The following SETD1A variants were observed in gnomAD, a reference collection of about 807,000 sequenced individuals.
SETD1A encodes the protein SET domain containing 1A, histone lysine methyltransferase, also known as histone-lysine N-methyltransferase SETD1A.
A neutral mutation model predicts 149.9 loss-of-function variants in SETD1A; 29 were observed. The ratio of observed to expected loss-of-function variants is 0.19; its 90% CI spans 0.14 to 0.26. The LOEUF is 0.26. Ranked by LOEUF, SETD1A falls within the 10% of genes least tolerant of loss-of-function variation. The pLI, the probability that SETD1A is intolerant of heterozygous loss-of-function variation, is 1.00. For synonymous variants in SETD1A, 1,141 were observed against 968.5 expected (o/e 1.18, Z -3.31); for missense variants, 2,109 against 2,353.1 (o/e 0.90, Z 2.15).
intron 13 of SETD1A, among the ~76,000 whole-genome samples, chr16:30,972,242 C>G (rs2056234302): frequency 6.6e-6 from 1 of 152,180 alleles, no homozygotes; most frequent in African/African-American, 2.4e-5. Flanking sequence ...TCATCGCAGC[C>G]AAACAGTAGG....
chr16:30,976,291 G>A (rs908697451), intron 13 of SETD1A, among the ~76,000 whole-genome samples: 1 of 152,114 alleles, frequency 6.6e-6, no homozygotes, highest in Non-Finnish European at 1.5e-5. Flanking sequence ...AGGCTGAGTC[G>A]GGAGGATTGC....
intron 10 of SETD1A, among the ~76,000 whole-genome samples, chr16:30,967,824 A>G (rs1237074059): frequency 2.0e-5 from 3 of 152,174 alleles, no homozygotes; most frequent in East Asian, 3.9e-4. Context: ...GGGTTTTTCC[A>G]TCCATGAAAT....
In SETD1A at chr16:30,967,673, C is replaced by T. The variant is rs956391908; in HGVS notation, c.2770+85C>T. On this transcript the variant is annotated intron_variant, in intron 10 of 18. Transcript: ENST00000262519. Reference sequence around the variant, plus strand: ...AGAGGTAGGGATGAAGGGGTCAGGTCGTCCTGAGGGCACAGCCAGGTGGAG... The same window carrying T: ...AGAGGTAGGGATGAAGGGGTCAGGTTGTCCTGAGGGCACAGCCAGGTGGAG... The T allele has an allele frequency of 1.0e-5, 12 of 1,165,778 alleles. No individual in the cohort carries two copies. The African/African-American group carries it at 1.1e-4, about 10-fold the overall frequency. 72.2% of individuals were successfully genotyped at this position (1,165,778 alleles called of 1,614,324 possible). A position where few individuals can be genotyped will look rare whatever the true frequency, so the allele number is the denominator to read the frequency against.
chr16:30,981,058 C>G lies in SETD1A; in HGVS notation c.4693-3C>G, dbSNP rs767998826. ...GCAGTTGAGTCTCCCTTCTGCCCCCCAGTTCCGGAAGAAGAAGCTCCGATT... is the reference window on the plus strand; with the variant it reads ...GCAGTTGAGTCTCCCTTCTGCCCCCGAGTTCCGGAAGAAGAAGCTCCGATT... On this transcript the variant is annotated splice_region_variant and splice_polypyrimidine_tract_variant and intron_variant, in intron 16 of 18. Transcript: ENST00000262519. 6.2e-7 allele frequency: 1 copy of G among 1,614,096 alleles called. No individual in the cohort carries two copies. The highest frequency in any genetic ancestry group is 1.7e-5 in the Admixed American group (1 of 60,022).
intron 17 of SETD1A, among the ~76,000 whole-genome samples, 188 bp downstream of exon 17, chr16:30,981,368 C>T (rs552838219): frequency 1.3e-5 from 2 of 152,232 alleles, no homozygotes; most frequent in Admixed American, 1.3e-4. Context: ...TGGCTGATGG[C>T]ACTGCTCCCT....
intron 4 of SETD1A, 140 bp from the exon 5 acceptor site, chr16:30,963,293 T>A: frequency 1.5e-6 from 1 of 683,052 alleles, no homozygotes; most frequent in South Asian, 2.1e-5. Flanking sequence ...AAAGGTAGAG[T>A]TATGGTAGGA....
chr16:30,978,588 T>A (rs2056317314), intron 13 of SETD1A, among the ~76,000 whole-genome samples: 1 of 152,212 alleles, frequency 6.6e-6, no homozygotes, highest in African/African-American at 2.4e-5. Flanking sequence ...CATGTTCAAA[T>A]TCTGTAGGGG....
Position 30,964,624 on chromosome 16 carries a change from C to G in SETD1A, c.882C>G (p.Thr294=). Residue 294 remains threonine, a synonymous_variant, in exon 7 of 19, where the codon ACC becomes ACG. Transcript: ENST00000262519. ...DSAYSSSTTS[T]SFKPRRSENS... is the part of the protein sequence containing the mutation. ...GCTTCTTCTCCAGCACCACTTCAAC[C>G]TCCTTCAAGCCCCGGCGGTCAGAGA... 6.2e-7 allele frequency: 1 copy of G among 1,612,784 alleles called. No individual in the cohort carries two copies. The highest frequency in any genetic ancestry group is 1.3e-5 in the African/African-American group (1 of 75,024).
chr16:30,965,699 ACCTCCC>A lies in SETD1A; in HGVS notation c.1827_1832del (p.Pro615_Pro616del). 1 of 364,924 alleles carries A rather than the reference ACCTCCC, an allele frequency of 2.7e-6. No homozygotes were observed. The highest frequency in any genetic ancestry group is 4.1e-6 in the Non-Finnish European group (1 of 242,208). The allele number at this position is 364,924 out of a possible 1,614,324, so 22.6% of individuals were successfully genotyped here. On this transcript the variant is annotated inframe_deletion, in exon 8 of 19. Transcript: ENST00000262519. ...CGACGCCCCCTCAGCAGCCTCCGCC[ACCTCCC>A]CCTCCCCCGCCGCCTCCTCCTCCCT...
chr16:30,964,580 G>A lies in SETD1A; in HGVS notation c.870-32G>A, dbSNP rs752613218. 7.5e-6 allele frequency: 12 copies of A among 1,596,978 alleles called. No homozygotes were observed. In the Admixed American group the frequency reaches 2.0e-4, roughly 27 times the overall value. On this transcript the variant is annotated intron_variant, in intron 6 of 18. Coordinates refer to ENST00000262519, the MANE Select transcript of SETD1A (RefSeq NM_014712.3). ...CGCTGTGGTTTGGTCATAGAGAGCT[G>A]AGTCCAGCTAACTCCCCTGCTTCTT...
Position 30,969,686 on chromosome 16 carries a change from G to C in SETD1A, c.3013G>C (p.Asp1005His). Residue 1005 changes from aspartate (D) to histidine (H), a missense_variant, in exon 12 of 19, where the codon GAT becomes CAT. By Grantham distance (81) the Asp-to-His change is moderately conservative. Transcript: ENST00000262519. ...CACAAAGAAGGAGACAGAGGTGTCG[G>C]ATGGTGAGCACAAGACAGTGAAATC... The part of the protein sequence containing the change: ...DTTKKETEVS[D>H]GEDEESDSSS... 6.2e-7 allele frequency: 1 copy of C among 1,613,366 alleles called. No homozygotes were observed. Among genetic ancestry groups the C allele is most frequent in the South Asian group, 1.1e-5 (1 of 91,080 alleles).
Position 30,984,030 on chromosome 16 carries a change from G to A in SETD1A, c.*7G>A, listed in dbSNP as rs1326500427. On this transcript the variant is annotated 3_prime_UTR_variant, in exon 19 of 19. Coordinates refer to ENST00000262519, the MANE Select transcript of SETD1A (RefSeq NM_014712.3). ...CCGGGGCTCCCTAAACTGAGGTGGG[G>A]CAGGATGGGTGCCCACACCCCTATT... is the stretch of plus-strand genomic sequence containing the variant. 1 of 1,610,086 alleles carries A rather than the reference G, an allele frequency of 6.2e-7. No individual in the cohort carries two copies. The highest frequency in any genetic ancestry group is 1.1e-5 in the South Asian group (1 of 90,494).
At chr16:30,958,169 G>A (rs1477881191) in intron 1 of SETD1A, 1 of 150,712 alleles carries the variant, frequency 6.6e-6, no homozygotes, top group Non-Finnish European at 1.5e-5. Flanking sequence ...CCTGCTGGGG[G>A]GGGTGCAGAA....
In SETD1A at chr16:30,979,971, C is replaced by T; in HGVS notation, c.4185C>T (p.Arg1395=). 1.3e-6 allele frequency: 2 copies of T among 1,518,956 alleles called. No homozygotes were observed. The highest frequency in any genetic ancestry group is 1.2e-5 in the South Asian group (1 of 81,746). The allele number at this position is 1,518,956 out of a possible 1,614,324, so 94.1% of individuals were successfully genotyped here. The part of the protein sequence containing the change: ...GEGALRRRSL[R]SHARRRRPPP... ...GCGCCCTCCGGAGGCGCAGCCTCCG[C>T]TCCCACGCCCGGCGCCGCCGCCCTC... The change falls in exon 14 of 19, where the codon CGC becomes CGT. Residue 1395 remains arginine (R), a synonymous_variant. Coordinates refer to ENST00000262519, the MANE Select transcript of SETD1A (RefSeq NM_014712.3).
chr16:30,977,738 C>T (rs1373664746), intron 13 of SETD1A, among the ~76,000 whole-genome samples: 4 of 152,184 alleles, frequency 2.6e-5, no homozygotes, highest in African/African-American at 9.6e-5. Flanking sequence ...TAAGGTGCAG[C>T]CAAGAGCCTG....
At chr16:30,966,538 G>A in intron 8 of SETD1A, 152 bp downstream of exon 8, 1 of 1,234,926 alleles carries the variant, frequency 8.1e-7, no homozygotes, top group Non-Finnish European at 1.1e-6. Context: ...GTGGGCAGGG[G>A]AGTTGAGGGG....
At position 30,966,161 on chromosome 16, in the gene SETD1A, C is replaced by T. The variant is rs1281349234; in HGVS notation, c.2280C>T (p.Pro760=). The T allele has an allele frequency of 1.2e-6, 2 of 1,609,084 alleles. No individual in the cohort carries two copies. The highest frequency in any genetic ancestry group is 3.3e-5 in the Admixed American group (2 of 59,724). ...TGCCAATGGCAGCCGAGCCCCTGCC[C>T]TCCTCCTCAGTCTCGGGAGAGGAGG... ...LPMPMAAEPL[P]SSSVSGEEAR... Residue 760 remains proline, a synonymous_variant, in exon 8 of 19, where the codon CCC becomes CCT. Coordinates refer to ENST00000262519, the MANE Select transcript of SETD1A (RefSeq NM_014712.3).
chr16:30,962,650 AAAAG>A (rs757178595), intron 4 of SETD1A, among the ~76,000 whole-genome samples: 2 of 152,202 alleles, frequency 1.3e-5, no homozygotes, highest in African/African-American at 4.8e-5. Context: ...TTTGGTTTGT[AAAAG>A]AAAGCCAGGG....
At position 30,983,826 on chromosome 16, in the gene SETD1A, G is replaced by T. The variant is rs2056417545; in HGVS notation, c.4951-24G>T. 1 of 1,610,632 alleles carries T rather than the reference G, an allele frequency of 6.2e-7. No homozygotes were observed. The highest frequency in any genetic ancestry group is 1.1e-5 in the South Asian group (1 of 90,746). On this transcript the variant is annotated intron_variant, in intron 18 of 18. Transcript: ENST00000262519. The surrounding 1 kb of genome is among the most constrained non-coding windows in gnomAD (Gnocchi z 6.8). ...TTGGGGGTCGGTGGGGGTGGCCACGGCTCACACGCCCTTCCATCCGCAGCC... is the reference window on the plus strand; with the variant it reads ...TTGGGGGTCGGTGGGGGTGGCCACGTCTCACACGCCCTTCCATCCGCAGCC...
Sources: gnomAD v4.1 joint callset for allele counts (sites outside exome capture counted in the v4.1 genomes callset) on GRCh38, gnomAD v4.1.1 for gene constraint, Gnocchi (gnomAD v3.1) non-coding constraint, MANE v1.5 for transcripts, NCBI Gene and HGNC (gene_info 2026-07-23, HGNC 2026-07-21) for gene names.